CDC42BPB: variants seen among roughly 807,000 people sequenced by gnomAD.
CDC42BPB encodes the protein serine/threonine-protein kinase MRCK beta.
Under a neutral mutation model 214.9 loss-of-function variants are expected in CDC42BPB, and 37 were observed. That is an observed-to-expected ratio of 0.17 (90% CI 0.13 to 0.23). The LOEUF (loss-of-function observed/expected upper bound fraction) is 0.23. Among genes scored for constraint, CDC42BPB ranks in the 10% least tolerant of loss-of-function variants. The pLI is 1.00. For missense variants in CDC42BPB, 1,694 were observed against 2,227.0 expected, an observed-to-expected ratio of 0.76 and a Z score of 4.82; for synonymous variants, 931 against 884.0, an observed-to-expected ratio of 1.05 and a Z score of -0.94.
chr14:102,966,377 C>T lies in CDC42BPB; in HGVS notation c.2482G>A (p.Glu828Lys), dbSNP rs754162942. Residue 828 changes from glutamate to lysine, a missense_variant, in exon 18 of 37, where the codon GAG (glutamate) becomes AAG (lysine). Transcript: ENST00000361246. ...TGAAGGTAACCCCGGGCATCTTTCT[C>T]GTCACTGACCCTGGAGGAGGGAACA... is the stretch of plus-strand genomic sequence containing the variant. ...IAEIIQWVSD[E>K]KDARGYLQAL... 1.2e-6 allele frequency: 2 copies of T among 1,613,668 alleles called. No homozygotes were observed. Among genetic ancestry groups the T allele is most frequent in the Non-Finnish European group, 8.5e-7 (1 of 1,179,714 alleles).
chr14:103,014,058 C>T (rs781537649), intron 1 of CDC42BPB, among the ~76,000 whole-genome samples: 1 of 151,810 alleles, frequency 6.6e-6, no homozygotes, highest in Non-Finnish European at 1.5e-5. Context: ...CCCAGTTACT[C>T]GCGAGGCTGA....
intron 5 of CDC42BPB, among the ~76,000 whole-genome samples, chr14:102,996,936 T>C (rs1894766305): frequency 6.6e-6 from 1 of 152,172 alleles, no homozygotes; most frequent in Non-Finnish European, 1.5e-5. Context: ...TAAATGAGTG[T>C]CTGTTCTATC....
intron 36 of CDC42BPB, among the ~76,000 whole-genome samples, chr14:102,937,354 G>A (rs532708848): frequency 3.3e-4 from 51 of 152,368 alleles, no homozygotes; most frequent in African/African-American, 1.2e-3. Context: ...GAAGACAAAG[G>A]ACTTCCAGAG....
intron 21 of CDC42BPB, among the ~76,000 whole-genome samples, chr14:102,958,271 GAAGT>G: frequency 6.6e-6 from 1 of 152,316 alleles, no homozygotes; most frequent in South Asian, 2.1e-4. Flanking sequence ...AATAACTGCT[GAAGT>G]ATGTTGGGGT....
At chr14:102,963,275 A>T in intron 19 of CDC42BPB, 120 bp from the exon 20 acceptor site, 1 of 1,412,028 alleles carries the variant, frequency 7.1e-7, no homozygotes, top group Middle Eastern at 2.5e-4. Flanking sequence ...TGTCCAGAAC[A>T]CGGTAGCTCA....
At chr14:103,013,839 C>A (rs34633823) in intron 1 of CDC42BPB, among the ~76,000 whole-genome samples, 10 of 152,170 alleles carry the variant, frequency 6.6e-5, no homozygotes, top group Admixed American at 2.6e-4. Context: ...TTTAAGCCCC[C>A]CACTTTGTGG....
At chr14:103,025,336 C>T (rs1886991390) in intron 1 of CDC42BPB, among the ~76,000 whole-genome samples, 1 of 152,040 alleles carries the variant, frequency 6.6e-6, no homozygotes, top group Non-Finnish European at 1.5e-5. Context: ...CAGAAATTCC[C>T]TCCCAGGTAA....
chr14:102,966,708 T>C (rs1164212493), intron 17 of CDC42BPB, among the ~76,000 whole-genome samples: 3 of 152,342 alleles, frequency 2.0e-5, no homozygotes, highest in Non-Finnish European at 4.4e-5. Context: ...CTTCACACCT[T>C]AGGAGCGGAG....
rs531009662 is a variant in CDC42BPB at position 103,052,322 on chromosome 14, T to C, written c.175+4677A>G. ...ATTCAGATCTTACTCAAAAGATCTA[T>C]TTCTTAAGTCTGTTATTTTTAAAAA... is the stretch of plus-strand genomic sequence containing the variant. On this transcript the variant is annotated intron_variant, in intron 1 of 36. Coordinates refer to ENST00000361246, the MANE Select transcript of CDC42BPB (RefSeq NM_006035.4). Among the ~76,000 whole-genome samples the C allele has an allele frequency of 3.9e-5, 6 of 152,372 alleles. No individual in the cohort carries two copies. In the South Asian group the frequency reaches 1.2e-3, roughly 32 times the overall value.
chr14:103,038,971 G>A (rs1394543656), intron 1 of CDC42BPB, among the ~76,000 whole-genome samples: 3 of 152,076 alleles, frequency 2.0e-5, no homozygotes, highest in Non-Finnish European at 4.4e-5. Flanking sequence ...CAGAAGTAAA[G>A]AAGATTATTA....
At chr14:103,046,854 A>G (rs1888317753) in intron 1 of CDC42BPB, among the ~76,000 whole-genome samples, 1 of 151,734 alleles carries the variant, frequency 6.6e-6, no homozygotes, top group Non-Finnish European at 1.5e-5. Context: ...GGGTTTTGCC[A>G]TGTTGGCCAG....
chr14:103,043,813 ACTCCTC>A lies in CDC42BPB; in HGVS notation c.175+13180_175+13185del, dbSNP rs35022058. Among the ~76,000 whole-genome samples the A allele has an allele frequency of 9.6e-3, 1,466 of 152,144 alleles. 24 individuals are homozygous for A. Among genetic ancestry groups the A allele is most frequent in the African/African-American group, 0.033 (1,378 of 41,474 alleles). On this transcript the variant is annotated intron_variant, in intron 1 of 36. Coordinates refer to ENST00000361246, the MANE Select transcript of CDC42BPB (RefSeq NM_006035.4). The stretch of plus-strand genomic sequence containing the variant: ...TGCTGACAGCTGGTTTCTGTTTAAA[ACTCCTC>A]CTAACATATTATGTCACAAGGATTA...
intron 36 of CDC42BPB, chr14:102,936,924 G>A (rs1422097473): frequency 2.0e-5 from 3 of 152,256 alleles, no homozygotes; most frequent in Non-Finnish European, 4.4e-5. Context: ...TGTAATCTGA[G>A]CACTTTGGGA....
intron 36 of CDC42BPB, chr14:102,934,102 A>G: frequency 9.1e-7 from 1 of 1,104,888 alleles, no homozygotes. Flanking sequence ...TCTGTAGTGA[A>G]GAAATCAGAT....
At chr14:103,000,321 G>A (rs999633357) in intron 4 of CDC42BPB, among the ~76,000 whole-genome samples, 21 of 152,246 alleles carry the variant, frequency 1.4e-4, no homozygotes, top group African/African-American at 3.1e-4. Context: ...CCTCGCCACC[G>A]GGCCAGCCGT....
In CDC42BPB at chr14:102,964,524, C is replaced by A. The variant is rs1305970504; in HGVS notation, c.2704G>T (p.Asp902Tyr). 6.2e-7 allele frequency: 1 copy of A among 1,613,824 alleles called. No homozygotes were observed. ...TACCTTTCCAAGGTGAGGTTGGCGT[C>A]CTTGACCTTCCTGAGCTCCTCCTGG... ...LVQEELRKVK[D>Y]ANLTLESKLK... Residue 902 changes from aspartate to tyrosine, a missense_variant, in exon 19 of 37, where the codon GAC becomes TAC. By Grantham distance (160) the Asp-to-Tyr change is radical (BLOSUM62 -3). This residue lies in a region of CDC42BPB where 156 missense variants were observed against 154.5 expected (regional missense o/e 1.01). Coordinates refer to ENST00000361246, the MANE Select transcript of CDC42BPB (RefSeq NM_006035.4).
chr14:103,033,162 A>G (rs1040586329), intron 1 of CDC42BPB, among the ~76,000 whole-genome samples: 1 of 152,104 alleles, frequency 6.6e-6, no homozygotes, highest in Non-Finnish European at 1.5e-5. Flanking sequence ...CTGTGAGTTG[A>G]TAACTGTTGA....
intron 20 of CDC42BPB, chr14:102,959,966 G>A (rs910311190): frequency 1.4e-5 from 6 of 414,458 alleles, no homozygotes; most frequent in Non-Finnish European, 1.9e-5. Flanking sequence ...CAACACTTTG[G>A]GAGGCCGAGG....
At chr14:102,945,399 A>T (rs1892111367) in intron 29 of CDC42BPB, 2 of 544,414 alleles carry the variant, frequency 3.7e-6, no homozygotes, top group Middle Eastern at 3.5e-4. Context: ...GGAAAGCTGC[A>T]GCTGTTCCTC....
Sources: allele counts gnomAD v4.1 joint callset (sites outside exome capture counted in the v4.1 genomes callset), GRCh38; gene constraint gnomAD v4.1.1; regional missense constraint gnomAD v4.1.1; transcripts MANE v1.5; gene names NCBI Gene and HGNC (gene_info 2026-07-23, HGNC 2026-07-21).